Variants in NRXN3 observed in about 807,000 individuals in gnomAD.
NRXN3 encodes the protein neurexin 3.
NRXN3 carries 32 observed loss-of-function variants against 137.6 expected under a neutral mutation model. The observed-to-expected ratio is 0.23, with a 90% CI of 0.18 to 0.31. NRXN3 has a LOEUF of 0.31. NRXN3 is among the 10% of genes least tolerant of loss of function. The probability of loss-of-function intolerance (pLI) is 1.00; values close to 1 mark genes in which losing one functional copy is unlikely to be tolerated. For missense variants in NRXN3, 1,574 were observed against 2,062.5 expected, an observed-to-expected ratio of 0.76 and a Z score of 4.59; for synonymous variants, 798 against 784.5, an observed-to-expected ratio of 1.02 and a Z score of -0.29.
At chr14:79,252,146 G>T (rs1315814152) in intron 15 of NRXN3, among the ~76,000 whole-genome samples, 1 of 152,128 alleles carries the variant, frequency 6.6e-6, no homozygotes, top group Admixed American at 6.5e-5. Context: ...TAAAGTTCTT[G>T]TACATTCCGA....
intron 10 of NRXN3, among the ~76,000 whole-genome samples, chr14:78,940,321 C>T (rs185762591): frequency 2.1e-4 from 32 of 152,268 alleles, no homozygotes; most frequent in Admixed American, 9.1e-4. Flanking sequence ...TCTTCTTAAC[C>T]CCAAACTCAG....
At chr14:79,316,729 CCTCTCTCTCTCTCT>C (rs35515937) in intron 15 of NRXN3, among the ~76,000 whole-genome samples, 1 of 137,938 alleles carries the variant, frequency 7.2e-6, no homozygotes, top group South Asian at 2.4e-4. Context: ...CTGTCCTGTC[CCTCTCTCTCTCTCT>C]CTCTCTCTCT....
At chr14:79,542,841 A>G (rs1336737264) in intron 16 of NRXN3, among the ~76,000 whole-genome samples, 6 of 151,996 alleles carry the variant, frequency 3.9e-5, no homozygotes, top group African/African-American at 1.4e-4. Flanking sequence ...CAACTAAACT[A>G]TGCAGCAGGC....
intron 1 of NRXN3, among the ~76,000 whole-genome samples, chr14:78,203,830 GTGTGTGTGGTTTGTGTGTGTGTGTGGTT>G (rs2061917111): frequency 1.3e-5 from 1 of 78,464 alleles, no homozygotes; most frequent in Non-Finnish European, 2.5e-5. Context: ...GTGTGTGTGT[GTGTGTGTGGTTTGTGTGTGTGTGTGGTT>G]TGTGTGTGTG....
chr14:79,037,757 C>T (rs552053790), intron 15 of NRXN3, among the ~76,000 whole-genome samples: 1 of 152,174 alleles, frequency 6.6e-6, no homozygotes, highest in Non-Finnish European at 1.5e-5. Context: ...AAATTCAGTC[C>T]GCCTGACGGG....
intron 15 of NRXN3, among the ~76,000 whole-genome samples, chr14:79,247,887 T>C (rs2075409345): frequency 6.7e-6 from 1 of 150,282 alleles, no homozygotes; most frequent in Non-Finnish European, 1.5e-5. Context: ...CTGGCCTTCA[T>C]AAAAAAATTA....
intron 1 of NRXN3, among the ~76,000 whole-genome samples, chr14:78,222,853 G>A (rs903398924): frequency 1.2e-4 from 19 of 152,154 alleles, no homozygotes; most frequent in African/African-American, 4.6e-4. Flanking sequence ...GGCTGGACTT[G>A]TCTTATTCAT....
intron 16 of NRXN3, among the ~76,000 whole-genome samples, chr14:79,606,890 G>A (rs182069880): frequency 3.3e-5 from 5 of 152,322 alleles, no homozygotes; most frequent in African/African-American, 7.2e-5. Context: ...CAGTAAGGAA[G>A]GGGATCTTAG....
chr14:79,747,873 C>T (rs1479879119), intron 19 of NRXN3, among the ~76,000 whole-genome samples: 1 of 152,068 alleles, frequency 6.6e-6, no homozygotes, highest in Admixed American at 6.6e-5. Context: ...GGGTGGGCTA[C>T]TGAAACTCTG....
At chr14:79,196,910 A>C (rs2065217791) in intron 15 of NRXN3, among the ~76,000 whole-genome samples, 1 of 152,152 alleles carries the variant, frequency 6.6e-6, no homozygotes, top group Admixed American at 6.5e-5. Flanking sequence ...GGGTTGCTTG[A>C]GGGTCAGCTA....
At chr14:79,253,077 A>G (rs921859199) in intron 15 of NRXN3, among the ~76,000 whole-genome samples, 2 of 152,126 alleles carry the variant, frequency 1.3e-5, no homozygotes, top group Non-Finnish European at 2.9e-5. Flanking sequence ...CGTGACCTGG[A>G]TGTTGAGGGA....
chr14:79,296,005 C>A (rs1428396096), intron 15 of NRXN3, among the ~76,000 whole-genome samples: 2 of 152,154 alleles, frequency 1.3e-5, no homozygotes, highest in East Asian at 3.9e-4. Flanking sequence ...CAGATTTGGG[C>A]CTTGCCTACA....
intron 15 of NRXN3, among the ~76,000 whole-genome samples, chr14:79,336,629 G>T (rs1333861150): frequency 6.6e-6 from 1 of 152,132 alleles, no homozygotes; most frequent in South Asian, 2.1e-4. Context: ...GGATATTTAG[G>T]TTTCAGTAAT....
intron 4 of NRXN3, among the ~76,000 whole-genome samples, chr14:78,479,400 A>G (rs59161552): frequency 0.27 from 41,444 of 152,218 alleles, 7,197 homozygotes; most frequent in Non-Finnish European, 0.37. Flanking sequence ...TAGATCTGGG[A>G]TGGGAACCAA....
intron 16 of NRXN3, among the ~76,000 whole-genome samples, chr14:79,624,817 T>G (rs546040075): frequency 2.6e-5 from 4 of 151,030 alleles, no homozygotes; most frequent in Admixed American, 6.6e-5. Context: ...GTTTTTGTTT[T>G]TTTTTAAACA....
At chr14:79,513,083 G>A (rs1351561645) in intron 16 of NRXN3, among the ~76,000 whole-genome samples, 1 of 152,216 alleles carries the variant, frequency 6.6e-6, no homozygotes, top group Non-Finnish European at 1.5e-5. Context: ...TGGATTTGCT[G>A]GGTAACCTGG....
chr14:79,094,979 A>AGAGAGTGTGTGT lies in NRXN3; in HGVS notation c.3262+106839_3262+106840insAGAGTGTGTGTG, dbSNP rs553957969. ...GAGAGAGAGAGAGAGAGAGAGAGAG[A>AGAGAGTGTGTGT]GTGTGTGTGTGTGTGTGTGTGTGTG... is the stretch of plus-strand genomic sequence containing the variant. On this transcript the variant is annotated intron_variant, in intron 15 of 20. Transcript: ENST00000335750. Among the ~76,000 whole-genome samples the AGAGAGTGTGTGT allele has an allele frequency of 8.6e-3, 998 of 115,882 alleles. 5 individuals carry two copies. Among genetic ancestry groups the AGAGAGTGTGTGT allele is most frequent in the East Asian group, 0.024 (91 of 3,744 alleles). 76.0% of individuals were successfully genotyped at this position (115,882 alleles called of 152,430 possible). A position where few individuals can be genotyped will look rare whatever the true frequency, so the allele number is the denominator to read the frequency against.
rs555957033 is a variant in NRXN3, at chr14:78,348,356, G to A, written c.757+50496G>A. ...ATCTGACCCCTCCATTTGTTGGCCA[G>A]TTGACACTGAATAAGTCTGTACTTT... On this transcript the variant is annotated intron_variant, in intron 4 of 20. Coordinates refer to ENST00000335750, the MANE Select transcript of NRXN3 (RefSeq NM_001330195.2). Among the ~76,000 whole-genome samples the A allele has an allele frequency of 1.6e-4, 24 of 152,308 alleles. 1 individual carries two copies. In the South Asian group the frequency reaches 4.8e-3, roughly 30 times the overall value.
chr14:79,687,667 C>T lies in NRXN3; in HGVS notation c.3617-4506C>T, dbSNP rs77380762. Reference sequence around the variant, plus strand: ...ACAGACGAATGTTGTTAGGATATTCCTATTAGCATGTCCACGTGCTTGACA... The same window carrying T: ...ACAGACGAATGTTGTTAGGATATTCTTATTAGCATGTCCACGTGCTTGACA... On this transcript the variant is annotated intron_variant, in intron 17 of 20. Coordinates refer to ENST00000335750, the MANE Select transcript of NRXN3 (RefSeq NM_001330195.2). Among the ~76,000 whole-genome samples, 338 of 152,194 alleles carry T rather than the reference C, an allele frequency of 2.2e-3. 1 individual carries two copies. The highest frequency in any genetic ancestry group is 7.9e-3 in the African/African-American group (327 of 41,552).
Sources: gnomAD v4.1 joint callset for allele counts (sites outside exome capture counted in the v4.1 genomes callset) on GRCh38, gnomAD v4.1.1 for gene constraint, MANE v1.5 for transcripts, NCBI Gene and HGNC (gene_info 2026-07-23, HGNC 2026-07-21) for gene names.